Variants in RALGAPA2 observed in about 807,000 individuals in gnomAD.
RALGAPA2 encodes the protein ral GTPase-activating protein subunit alpha-2.
In RALGAPA2, 139 loss-of-function variants were observed where a neutral mutation model predicts 230.4. The ratio of observed to expected loss-of-function variants is 0.60; its 90% CI spans 0.53 to 0.69. RALGAPA2 has a LOEUF of 0.69. Among genes scored for constraint, RALGAPA2 ranks in the 30% least tolerant of loss-of-function variants. The pLI is 0.00. For missense variants in RALGAPA2, 2,163 were observed against 2,276.0 expected (o/e 0.95, Z 1.01); for synonymous variants, 847 against 837.8 (o/e 1.01, Z -0.19).
chr20:20,652,160 C>T (rs2067422682), intron 4 of RALGAPA2, among the ~76,000 whole-genome samples: 1 of 152,110 alleles, frequency 6.6e-6, no homozygotes, highest in Non-Finnish European at 1.5e-5. Flanking sequence ...CTATAACAGT[C>T]AATTCAATTT....
intron 2 of RALGAPA2, among the ~76,000 whole-genome samples, chr20:20,679,759 G>C (rs1346867070): frequency 6.6e-6 from 1 of 152,128 alleles, no homozygotes; most frequent in African/African-American, 2.4e-5. Flanking sequence ...CTTCCCCAAA[G>C]CCTCATCTAT....
intron 3 of RALGAPA2, among the ~76,000 whole-genome samples, chr20:20,670,446 G>A (rs576937802): frequency 1.3e-5 from 2 of 152,156 alleles, no homozygotes; most frequent in Admixed American, 1.3e-4. Context: ...ATAAAAACTG[G>A]GAAGACCAAA....
chr20:20,399,109 C>A (rs1378039817), intron 38 of RALGAPA2, among the ~76,000 whole-genome samples: 2 of 152,054 alleles, frequency 1.3e-5, no homozygotes, highest in Non-Finnish European at 2.9e-5. Context: ...CTTTGGGAGG[C>A]CAAGGCGGGT....
At chr20:20,561,634 T>C (rs1415468738) in intron 23 of RALGAPA2, among the ~76,000 whole-genome samples, 1 of 152,234 alleles carries the variant, frequency 6.6e-6, no homozygotes, top group Non-Finnish European at 1.5e-5. Flanking sequence ...TAACTCAACC[T>C]GAAACATTGA....
chr20:20,646,792 T>C (rs2067229478), intron 4 of RALGAPA2, among the ~76,000 whole-genome samples: 1 of 152,134 alleles, frequency 6.6e-6, no homozygotes, highest in African/African-American at 2.4e-5. Context: ...AAAGAATCCA[T>C]AATGAACAAT....
chr20:20,579,297 AT>A (rs2064913900), intron 20 of RALGAPA2, among the ~76,000 whole-genome samples: 1 of 152,228 alleles, frequency 6.6e-6, no homozygotes, highest in African/African-American at 2.4e-5. Flanking sequence ...TCAAGTATTT[AT>A]TAAATGCTTC....
intron 23 of RALGAPA2, among the ~76,000 whole-genome samples, chr20:20,568,923 C>A (rs2064536363): frequency 6.6e-6 from 1 of 152,152 alleles, no homozygotes; most frequent in South Asian, 2.1e-4. Flanking sequence ...GTTCTCTCTG[C>A]ATAAATAAAT....
intron 39 of RALGAPA2, 40 bp from the exon 40 acceptor site, chr20:20,393,293 C>G: frequency 7.9e-7 from 1 of 1,261,674 alleles, no homozygotes. Context: ...ATGGAGGCAA[C>G]GGCGGCTCTA....
intron 4 of RALGAPA2, among the ~76,000 whole-genome samples, chr20:20,649,926 C>T (rs1376193859): frequency 6.6e-6 from 1 of 152,140 alleles, no homozygotes; most frequent in Non-Finnish European, 1.5e-5. Context: ...CTTTATCCAC[C>T]ATGATTTACT....
chr20:20,612,288 C>T (rs1243909547), intron 13 of RALGAPA2, among the ~76,000 whole-genome samples: 1 of 152,152 alleles, frequency 6.6e-6, no homozygotes, highest in African/African-American at 2.4e-5. Flanking sequence ...AAGAGAAGTG[C>T]ATTTGTTCCT....
intron 12 of RALGAPA2, among the ~76,000 whole-genome samples, chr20:20,618,709 G>A (rs1285113058): frequency 6.6e-6 from 1 of 152,160 alleles, no homozygotes; most frequent in Non-Finnish European, 1.5e-5. Context: ...CATGAGATCT[G>A]AGAGGAAATC....
At position 20,546,655 on chromosome 20, in the gene RALGAPA2, G is replaced by A. The variant is rs572022676; in HGVS notation, c.3285+49C>T. 10 of 1,522,242 alleles carry A rather than the reference G, an allele frequency of 6.6e-6. No homozygotes were observed. In the Admixed American group the frequency reaches 6.9e-5, roughly 11 times the overall value. 94.3% of individuals were successfully genotyped at this position (1,522,242 alleles called of 1,614,324 possible). On this transcript the variant is annotated intron_variant, in intron 24 of 39. Transcript: ENST00000202677. ...GTGGAGAAATCTGAACCTTGTTAGC[G>A]ATTGTGAAGCCTCTTGGGAGCTGGG...
intron 37 of RALGAPA2, among the ~76,000 whole-genome samples, chr20:20,430,036 T>C (rs1438917012): frequency 6.6e-6 from 1 of 152,242 alleles, no homozygotes; most frequent in African/African-American, 2.4e-5. Context: ...CAGACTCCTC[T>C]GAGTCCTGGC....
At chr20:20,649,018 A>G (rs555026853) in intron 4 of RALGAPA2, among the ~76,000 whole-genome samples, 2 of 152,290 alleles carry the variant, frequency 1.3e-5, no homozygotes, top group African/African-American at 4.8e-5. Context: ...AACACAAAGA[A>G]GTGCCTGGGA....
intron 1 of RALGAPA2, 63 bp from the exon 2 acceptor site, chr20:20,680,864 A>C (rs1445841603): frequency 4.0e-6 from 6 of 1,506,520 alleles, no homozygotes; most frequent in Non-Finnish European, 4.4e-6. Flanking sequence ...ATTTAGAAAC[A>C]AACTTCTCAG....
chr20:20,563,778 A>C (rs908424852), intron 23 of RALGAPA2, among the ~76,000 whole-genome samples: 1 of 152,116 alleles, frequency 6.6e-6, no homozygotes, highest in Non-Finnish European at 1.5e-5. Flanking sequence ...GATGCTTACC[A>C]ATCAGTACTA....
chr20:20,698,143 G>A (rs2069191614), intron 1 of RALGAPA2, among the ~76,000 whole-genome samples: 1 of 152,140 alleles, frequency 6.6e-6, no homozygotes, highest in Non-Finnish European at 1.5e-5. Flanking sequence ...GGGGAGAGGA[G>A]GGAATAAGCA....
intron 37 of RALGAPA2, among the ~76,000 whole-genome samples, chr20:20,454,809 C>T (rs2061072136): frequency 1.3e-5 from 2 of 152,096 alleles, no homozygotes; most frequent in South Asian, 2.1e-4. Flanking sequence ...AAAGTACATG[C>T]TAGAGTAAGA....
rs371397823 is a variant in RALGAPA2, at chr20:20,393,221, C to T, written c.*68G>A. On this transcript the variant is annotated 3_prime_UTR_variant, in exon 40 of 40. Transcript: ENST00000202677. ...GTCTCCTCCTCACTCAGGGGCTCTT[C>T]GAGGTCAGCACTCAGACTGGAGGCC... The T allele has an allele frequency of 5.2e-6, 7 of 1,353,946 alleles. No homozygotes were observed. Among genetic ancestry groups the T allele is most frequent in the Non-Finnish European group, 6.9e-6 (7 of 1,016,018 alleles). The allele number at this position is 1,353,946 out of a possible 1,614,324, so 83.9% of individuals were successfully genotyped here.
Sources: allele counts gnomAD v4.1 joint callset (sites outside exome capture counted in the v4.1 genomes callset), GRCh38; gene constraint gnomAD v4.1.1; transcripts MANE v1.5; gene names NCBI Gene and HGNC (gene_info 2026-07-23, HGNC 2026-07-21).